The following SIPA1L1 variants were observed in gnomAD, a reference collection of about 807,000 sequenced individuals.
SIPA1L1 encodes signal induced proliferation associated 1 like 1.
SIPA1L1 carries 26 observed loss-of-function variants against 162.7 expected under a neutral mutation model. The ratio of observed to expected loss-of-function variants is 0.16; its 90% CI spans 0.12 to 0.22. The LOEUF is 0.22. Among genes scored for constraint, SIPA1L1 ranks in the 10% least tolerant of loss-of-function variants. SIPA1L1 has a pLI of 1.00. For synonymous variants in SIPA1L1, 829 were observed against 837.4 expected, an observed-to-expected ratio of 0.99 and a Z score of 0.17; for missense variants, 1,874 against 2,241.0, an observed-to-expected ratio of 0.84 and a Z score of 3.31.
chr14:71,323,047 CTT>C (rs1199212167), intron 2 of SIPA1L1, among the ~76,000 whole-genome samples: 10 of 152,222 alleles, frequency 6.6e-5, no homozygotes, highest in Non-Finnish European at 1.0e-4. Context: ...TCATTTAACT[CTT>C]CTTTTGTCTC....
chr14:71,535,979 C>G (rs2053861379), intron 4 of SIPA1L1, among the ~76,000 whole-genome samples: 1 of 152,108 alleles, frequency 6.6e-6, no homozygotes, highest in African/African-American at 2.4e-5. Context: ...TCTGATGTCC[C>G]TCTTCTTCTG....
At chr14:71,667,944 A>G (rs367719152) in intron 10 of SIPA1L1, among the ~76,000 whole-genome samples, 4 of 152,222 alleles carry the variant, frequency 2.6e-5, no homozygotes, top group East Asian at 3.9e-4. Context: ...GGGCCCCTGT[A>G]GTTCCAGCTT....
chr14:71,425,068 T>C (rs983772771), intron 2 of SIPA1L1, among the ~76,000 whole-genome samples: 2 of 152,070 alleles, frequency 1.3e-5, no homozygotes, highest in East Asian at 1.9e-4. Context: ...TGCACTCTTA[T>C]AAGCCTTTTT....
At chr14:71,414,444 T>C (rs2042617863) in intron 2 of SIPA1L1, among the ~76,000 whole-genome samples, 1 of 152,222 alleles carries the variant, frequency 6.6e-6, no homozygotes, top group Non-Finnish European at 1.5e-5. Flanking sequence ...AATTTTGATT[T>C]ATCAAATGTC....
At chr14:71,521,921 C>T (rs998323618) in intron 3 of SIPA1L1, among the ~76,000 whole-genome samples, 1 of 151,910 alleles carries the variant, frequency 6.6e-6, no homozygotes, top group African/African-American at 2.4e-5. Flanking sequence ...GACTGTTAAC[C>T]CTTTATTTGG....
intron 2 of SIPA1L1, among the ~76,000 whole-genome samples, chr14:71,444,240 G>A (rs1270114587): frequency 6.6e-6 from 1 of 152,106 alleles, no homozygotes; most frequent in Non-Finnish European, 1.5e-5. Flanking sequence ...TGCCTCTTAG[G>A]TGCTCAGAGC....
At chr14:71,516,958 A>T (rs531553011) in intron 3 of SIPA1L1, among the ~76,000 whole-genome samples, 38 of 152,330 alleles carry the variant, frequency 2.5e-4, no homozygotes, top group Admixed American at 8.5e-4. Context: ...GGGCAACAGA[A>T]CGAGACTTTG....
chr14:71,643,964 C>T (rs775731644), intron 7 of SIPA1L1, among the ~76,000 whole-genome samples: 6 of 152,080 alleles, frequency 3.9e-5, no homozygotes, highest in Non-Finnish European at 5.9e-5. Flanking sequence ...CCCACCACCA[C>T]GCCCAGCTAA....
Position 71,520,715 on chromosome 14 carries a change from C to G in SIPA1L1, c.-362+7870C>G, listed in dbSNP as rs34770041. The stretch of plus-strand genomic sequence containing the variant: ...TCATTACTTTTATTGTTACAGTATT[C>G]CGTTATATGGAACTCCTCAATTATT... On this transcript the variant is annotated intron_variant, in intron 3 of 23. Transcript: ENST00000381232. 7.7e-3 allele frequency among the ~76,000 whole-genome samples: 1,164 copies of G among 152,004 alleles called. 6 individuals are homozygous for G. The highest frequency in any genetic ancestry group is 0.012 in the Non-Finnish European group (831 of 67,962).
intron 2 of SIPA1L1, among the ~76,000 whole-genome samples, chr14:71,415,759 A>G (rs757124184): frequency 2.5e-4 from 38 of 151,568 alleles, no homozygotes; most frequent in Non-Finnish European, 4.6e-4. Flanking sequence ...GTGCAATGGC[A>G]TGATCTCGGC....
intron 2 of SIPA1L1, among the ~76,000 whole-genome samples, chr14:71,428,020 G>A (rs2043708530): frequency 6.6e-6 from 1 of 151,320 alleles, no homozygotes; most frequent in Non-Finnish European, 1.5e-5. Context: ...TTTTTGAGAT[G>A]GAGTCTCATT....
At chr14:71,705,001 T>C (rs2082339345) in intron 15 of SIPA1L1, 8 of 612,320 alleles carry the variant, frequency 1.3e-5, no homozygotes. Flanking sequence ...TATGCTAATG[T>C]GTATGACGTG....
Position 71,650,347 on chromosome 14 carries a change from C to G in SIPA1L1, c.1831C>G (p.Gln611Glu), listed in dbSNP as rs2042518853. The G allele has an allele frequency of 1.2e-6, 2 of 1,613,894 alleles. No individual in the cohort carries two copies. The highest frequency in any genetic ancestry group is 1.1e-5 in the South Asian group (1 of 91,090). The change falls in exon 8 of 24, where the codon CAG (glutamine) becomes GAG (glutamate). Residue 611 changes from glutamine to glutamate, a missense_variant. Physicochemically the swap from Gln to Glu is conservative, Grantham distance 29. Transcript: ENST00000381232. ...CCTGCCTTCACAGCTGAACTACCAGCAGAAAGTAGGCATCATGTACTGCAA... is the reference window on the plus strand; with the variant it reads ...CCTGCCTTCACAGCTGAACTACCAGGAGAAAGTAGGCATCATGTACTGCAA... ...KLDEQGLNYQ[Q>E]KVGIMYCKAG...
At chr14:71,657,296 C>T (rs1257207617) in intron 8 of SIPA1L1, among the ~76,000 whole-genome samples, 2 of 144,982 alleles carry the variant, frequency 1.4e-5, no homozygotes, top group African/African-American at 5.2e-5. Flanking sequence ...TGCAGTGAGC[C>T]GAGATCGCAC....
chr14:71,485,081 A>C (rs2048643365), intron 2 of SIPA1L1, among the ~76,000 whole-genome samples: 1 of 152,216 alleles, frequency 6.6e-6, no homozygotes, highest in African/African-American at 2.4e-5. Flanking sequence ...GAGGGTGGGA[A>C]TAGAGAAAGA....
At chr14:71,675,640 T>C (rs1439858937) in intron 12 of SIPA1L1, among the ~76,000 whole-genome samples, 1 of 152,230 alleles carries the variant, frequency 6.6e-6, no homozygotes, top group Non-Finnish European at 1.5e-5. Context: ...CCACTGCTGT[T>C]TTTGTAGCAA....
chr14:71,465,616 A>G (rs1386942398), intron 2 of SIPA1L1, among the ~76,000 whole-genome samples: 1 of 152,190 alleles, frequency 6.6e-6, no homozygotes, highest in Non-Finnish European at 1.5e-5. Flanking sequence ...GCATTTTCTT[A>G]TTAAGCAGCC....
intron 2 of SIPA1L1, among the ~76,000 whole-genome samples, chr14:71,408,218 C>T (rs2042163223): frequency 6.6e-6 from 1 of 152,080 alleles, no homozygotes; most frequent in South Asian, 2.1e-4. Context: ...TTAAAACATC[C>T]TCAGATAGTA....
chr14:71,541,662 G>A (rs2054395067), intron 4 of SIPA1L1, among the ~76,000 whole-genome samples: 1 of 152,050 alleles, frequency 6.6e-6, no homozygotes, highest in African/African-American at 2.4e-5. Context: ...AGTCCTAGCT[G>A]CTTGGGAGGC....
Sources: gnomAD v4.1 joint callset for allele counts (sites outside exome capture counted in the v4.1 genomes callset) on GRCh38, gnomAD v4.1.1 for gene constraint, MANE v1.5 for transcripts, NCBI Gene and HGNC (gene_info 2026-07-23, HGNC 2026-07-21) for gene names.